The following PAK5 variants were observed in gnomAD, a reference collection of about 807,000 sequenced individuals.
PAK5 encodes serine/threonine-protein kinase PAK 5.
In PAK5, 16 loss-of-function variants were observed where a neutral mutation model predicts 65.9. The ratio of observed to expected loss-of-function variants is 0.24; its 90% CI spans 0.16 to 0.37. The LOEUF is 0.37. PAK5 is among the 10% of genes least tolerant of loss of function. The pLI is 1.00. For synonymous variants in PAK5, 371 were observed against 354.9 expected, an observed-to-expected ratio of 1.05 and a Z score of -0.51; for missense variants, 785 against 903.9, an observed-to-expected ratio of 0.87 and a Z score of 1.69.
intron 1 of PAK5, among the ~76,000 whole-genome samples, chr20:9,751,563 T>C (rs917088574): frequency 6.6e-6 from 1 of 152,150 alleles, no homozygotes; most frequent in Non-Finnish European, 1.5e-5. Context: ...AAAACGAGGC[T>C]CTGAACACTG....
chr20:9,737,463 C>T (rs1268662872), intron 1 of PAK5, among the ~76,000 whole-genome samples: 1 of 151,942 alleles, frequency 6.6e-6, no homozygotes, highest in Non-Finnish European at 1.5e-5. Flanking sequence ...GTTTATATGC[C>T]TAAAAACAGA....
chr20:9,644,867 G>A (rs1424419605), intron 2 of PAK5, among the ~76,000 whole-genome samples: 2 of 152,228 alleles, frequency 1.3e-5, no homozygotes, highest in Non-Finnish European at 2.9e-5. Context: ...TGTATGTAAT[G>A]AAGCCACTGA....
At chr20:9,726,681 G>C (rs990668973) in intron 1 of PAK5, among the ~76,000 whole-genome samples, 1 of 152,088 alleles carries the variant, frequency 6.6e-6, no homozygotes, top group Non-Finnish European at 1.5e-5. Context: ...GTGACCAAAG[G>C]GGAGGGAGAA....
At chr20:9,545,602 G>T (rs192966563) in intron 7 of PAK5, among the ~76,000 whole-genome samples, 1 of 151,836 alleles carries the variant, frequency 6.6e-6, no homozygotes, top group Admixed American at 6.6e-5. Context: ...TACCTCTGCC[G>T]CCTGCCTCTT....
rs557256621 is a variant in PAK5 at position 9,596,840 on chromosome 20, G to A, written c.205-15910C>T. Among the ~76,000 whole-genome samples, 9 of 152,226 alleles carry A rather than the reference G, an allele frequency of 5.9e-5. No homozygotes were observed. The South Asian group carries it at 1.9e-3, about 32-fold the overall frequency. Reference sequence around the variant, plus strand: ...GAAAACCCGTGTCCTAATGCAGTGCGTATTAAACCCTACTTGGCACATAAA... The same window carrying A: ...GAAAACCCGTGTCCTAATGCAGTGCATATTAAACCCTACTTGGCACATAAA... On this transcript the variant is annotated intron_variant, in intron 3 of 9. Transcript: ENST00000353224.
intron 3 of PAK5, among the ~76,000 whole-genome samples, chr20:9,615,163 C>T (rs181147274): frequency 6.0e-4 from 91 of 152,244 alleles, no homozygotes; most frequent in Admixed American, 1.6e-3. Context: ...TAGTGGTTGT[C>T]CGGGGTTAGG....
chr20:9,626,873 CTG>C (rs1389794144), intron 3 of PAK5, among the ~76,000 whole-genome samples: 2 of 151,878 alleles, frequency 1.3e-5, no homozygotes, highest in African/African-American at 2.4e-5. Context: ...GAAATCAAAA[CTG>C]TGTAAATACA....
intron 3 of PAK5, among the ~76,000 whole-genome samples, chr20:9,635,599 T>A (rs1482133888): frequency 6.6e-6 from 1 of 152,196 alleles, no homozygotes; most frequent in Non-Finnish European, 1.5e-5. Context: ...TTCCAAGGTC[T>A]TCTCCTGGCT....
At chr20:9,668,044 C>T (rs6086978) in intron 2 of PAK5, among the ~76,000 whole-genome samples, 100,343 of 151,960 alleles carry the variant, frequency 0.66, 33,790 homozygotes, top group East Asian at 0.94. Context: ...TGAGTCATGA[C>T]AGCTTCCACT....
intron 2 of PAK5, among the ~76,000 whole-genome samples, chr20:9,704,936 G>T (rs1229602940): frequency 6.6e-6 from 1 of 152,180 alleles, no homozygotes; most frequent in Non-Finnish European, 1.5e-5. Context: ...TACCTGCCCT[G>T]CTACCTTCTC....
At chr20:9,758,033 G>A (rs971687171) in intron 1 of PAK5, among the ~76,000 whole-genome samples, 2 of 152,166 alleles carry the variant, frequency 1.3e-5, no homozygotes, top group Non-Finnish European at 2.9e-5. Flanking sequence ...GAAGGAGTTT[G>A]CTTCAGAAGT....
At chr20:9,813,709 C>A (rs1663115956) in intron 1 of PAK5, among the ~76,000 whole-genome samples, 1 of 152,052 alleles carries the variant, frequency 6.6e-6, no homozygotes, top group Non-Finnish European at 1.5e-5. Context: ...TTACTAATAA[C>A]ATAGTGAATG....
chr20:9,645,465 G>T (rs1357713354), intron 2 of PAK5, among the ~76,000 whole-genome samples: 1 of 152,190 alleles, frequency 6.6e-6, no homozygotes, highest in Non-Finnish European at 1.5e-5. Flanking sequence ...CATCATTTTG[G>T]GAATCCTTAC....
intron 3 of PAK5, among the ~76,000 whole-genome samples, chr20:9,637,065 A>G (rs115328605): frequency 2.0e-5 from 3 of 152,194 alleles, no homozygotes; most frequent in South Asian, 2.1e-4. Context: ...CAGTGGTTCA[A>G]TCGTGGCTCA....
chr20:9,640,510 C>T (rs572371514), intron 3 of PAK5, among the ~76,000 whole-genome samples: 20 of 152,096 alleles, frequency 1.3e-4, no homozygotes, highest in East Asian at 1.2e-3. Context: ...TGAATAGTGC[C>T]GCAATAAACA....
At chr20:9,820,184 A>G (rs889356641) in intron 1 of PAK5, among the ~76,000 whole-genome samples, 1 of 152,216 alleles carries the variant, frequency 6.6e-6, no homozygotes, top group East Asian at 1.9e-4. Flanking sequence ...AGCTGCAAAG[A>G]CAAGTTTAAT....
chr20:9,653,056 C>T (rs1469746894), intron 2 of PAK5, among the ~76,000 whole-genome samples: 1 of 152,210 alleles, frequency 6.6e-6, no homozygotes, highest in African/African-American at 2.4e-5. Flanking sequence ...CTCGCTTCAA[C>T]TCCTCACCCT....
chr20:9,720,612 C>A (rs868221717), intron 1 of PAK5, among the ~76,000 whole-genome samples: 1 of 151,846 alleles, frequency 6.6e-6, no homozygotes, highest in Non-Finnish European at 1.5e-5. Flanking sequence ...GTATATACCC[C>A]AAAAAACTGA....
At chr20:9,664,114 G>A (rs2047381449) in intron 2 of PAK5, among the ~76,000 whole-genome samples, 1 of 152,138 alleles carries the variant, frequency 6.6e-6, no homozygotes. Context: ...CTTCCATCAG[G>A]ATTACACTGT....
Sources: allele counts gnomAD v4.1 joint callset (sites outside exome capture counted in the v4.1 genomes callset), GRCh38; gene constraint gnomAD v4.1.1; transcripts MANE v1.5; gene names NCBI Gene and HGNC (gene_info 2026-07-23, HGNC 2026-07-21).